RTL5: variants seen among roughly 807,000 people sequenced by gnomAD.
The protein encoded by RTL5 is retrotransposon Gag like 5, also known as retrotransposon Gag-like protein 5.
Under a neutral mutation model 7.7 loss-of-function variants are expected in RTL5, and 8 were observed. That is an observed-to-expected ratio of 1.04 (90% CI 0.61 to 1.88). The LOEUF is 1.88. Among genes scored for constraint, RTL5 ranks in the 40% most tolerant of loss-of-function variants. RTL5 has a pLI of 0.00. For missense variants in RTL5, 457 were observed against 472.7 expected, an observed-to-expected ratio of 0.97 and a Z score of 0.31; for synonymous variants, 188 against 191.8, an observed-to-expected ratio of 0.98 and a Z score of 0.16.
chrX:72,131,363 TG>T lies in RTL5; in HGVS notation c.177del (p.Ile60Ter), dbSNP rs759974118. 5.0e-6 allele frequency: 6 copies of T among 1,207,089 alleles called. No homozygotes were observed. In the African/African-American group the frequency reaches 1.1e-4, roughly 21 times the overall value. On this transcript the variant is annotated frameshift_variant, in exon 1 of 1. Coordinates refer to ENST00000609883, the Ensembl canonical transcript of RTL5. LOFTEE classifies it low-confidence loss of function (END_TRUNC). The stretch of plus-strand genomic sequence containing the variant: ...TTCTCCTCCGCAAGGACGGGCACTA[TG>T]GGTACTGGCCAGCGGATGTAGCTGG...
At chrX:72,129,738 C>G (rs144289234) in exon 1 of RTL5, 1 of 882,682 alleles carries the variant, frequency 1.1e-6, no homozygotes, top group Non-Finnish European at 1.6e-6. Flanking sequence ...TCCCTGAAGT[C>G]CTGGTCAGCA....
At chrX:72,129,962 T>G in exon 1 of RTL5, 1 of 1,210,867 alleles carries the variant, frequency 8.3e-7, no homozygotes, top group African/African-American at 1.7e-5. Context: ...TGGGGGGAGC[T>G]GTAGAATGGT....
chrX:72,131,178 A>T, exon 1 of RTL5: 3 of 1,116,462 alleles, frequency 2.7e-6, no homozygotes, highest in South Asian at 4.0e-5. Context: ...TGGGCAGCAG[A>T]GGGGGGTCAG....
exon 1 of RTL5, chrX:72,131,591 G>A (rs1602394970): frequency 9.0e-7 from 1 of 1,114,171 alleles, no homozygotes; most frequent in Non-Finnish European, 1.2e-6. Context: ...AGGGGAACTG[G>A]AACTACGGGC....
chrX:72,129,544 A>T, exon 1 of RTL5: 1 of 323,199 alleles, frequency 3.1e-6, no homozygotes, highest in South Asian at 8.6e-5. Context: ...CATTTATGGG[A>T]ACAGGCCCAG....
exon 1 of RTL5, chrX:72,131,598 G>C: frequency 2.7e-6 from 3 of 1,100,227 alleles, no homozygotes; most frequent in Non-Finnish European, 3.6e-6. Context: ...CTGGAACTAC[G>C]GGCGGCCGGA....
chrX:72,131,180 G>A (rs769441508), exon 1 of RTL5: 4 of 1,186,402 alleles, frequency 3.4e-6, no homozygotes, highest in East Asian at 3.0e-5. Flanking sequence ...GGCAGCAGAG[G>A]GGGGTCAGCG....
chrX:72,131,377 C>G, exon 1 of RTL5: 1 of 1,210,221 alleles, frequency 8.3e-7, no homozygotes, highest in Non-Finnish European at 1.1e-6. Flanking sequence ...TACTGGCCAG[C>G]GGATGTAGCT....
chrX:72,131,352 G>A (rs1355409936), exon 1 of RTL5: 1 of 1,205,220 alleles, frequency 8.3e-7, no homozygotes, highest in African/African-American at 1.8e-5. Flanking sequence ...CCTCCGCAAG[G>A]ACGGGCACTA....
exon 1 of RTL5, chrX:72,131,095 T>G: frequency 2.5e-6 from 3 of 1,208,088 alleles, no homozygotes; most frequent in Non-Finnish European, 2.2e-6. Flanking sequence ...CTCAGGCCGC[T>G]CCAGCGGTGC....
exon 1 of RTL5, chrX:72,131,693 GC>G (rs2042302950): frequency 2.1e-6 from 1 of 484,430 alleles, no homozygotes; most frequent in African/African-American, 2.6e-5. Context: ...ACCCACCGGG[GC>G]GAGCTCGGAG....
downstream of RTL5, chrX:72,127,460 C>T (rs1255057561): frequency 8.9e-6 from 1 of 111,877 alleles, no homozygotes; most frequent in Non-Finnish European, 1.9e-5. Context: ...TCTGCTCTAT[C>T]CCTGGCTGTA....
exon 1 of RTL5, chrX:72,131,077 G>A: frequency 8.3e-7 from 1 of 1,210,202 alleles, no homozygotes; most frequent in Non-Finnish European, 1.1e-6. Flanking sequence ...TCCTGAAAAG[G>A]GCTCTATCTC....
At chrX:72,129,880 G>C in exon 1 of RTL5, 1 of 1,208,057 alleles carries the variant, frequency 8.3e-7, no homozygotes, top group Non-Finnish European at 1.1e-6. Flanking sequence ...CTGTCTCGGA[G>C]TGAGGCGGAA....
exon 1 of RTL5, chrX:72,129,752 G>A (rs2042264753): frequency 2.1e-6 from 2 of 966,025 alleles, no homozygotes; most frequent in African/African-American, 3.9e-5. Context: ...GTCAGCAAAT[G>A]GGGCAGGTAT....
At position 72,130,143 on chromosome X, in the gene RTL5, C is replaced by T. The variant is rs60726595; in HGVS notation, c.1398G>A (p.Glu466=). 2,787 of 1,208,358 alleles carry T rather than the reference C, an allele frequency of 2.3e-3. 51 individuals are homozygous for T. In the African/African-American group the frequency reaches 0.044, roughly 19 times the overall value. ...CAAAGGTCGGCTCCATCTCCATCAG[C>T]TCATCTAGGTCATCATCTTGGGCCT... The change falls in exon 1 of 1, where the codon GAG becomes GAA. Residue 466 remains glutamate (E), a synonymous_variant. Coordinates refer to ENST00000609883, the Ensembl canonical transcript of RTL5.
exon 1 of RTL5, chrX:72,129,897 A>G (rs2042267121): frequency 1.7e-6 from 2 of 1,208,201 alleles, no homozygotes; most frequent in Admixed American, 2.2e-5. Context: ...GGAAAAGCAC[A>G]GGGGGGCGTC....
chrX:72,129,529 C>T (rs1490279805), exon 1 of RTL5: 4 of 293,004 alleles, frequency 1.4e-5, no homozygotes, highest in African/African-American at 2.7e-5. Context: ...AGAGGGTGAC[C>T]AGTTCATTTA....
chrX:72,130,906 G>A (rs940588012), exon 1 of RTL5: 1 of 1,210,141 alleles, frequency 8.3e-7, no homozygotes, highest in Non-Finnish European at 1.1e-6. Flanking sequence ...GGCATGCAAG[G>A]GGCTTCCTTC....
Sources: gnomAD v4.1 joint callset for allele counts on GRCh38, gnomAD v4.1.1 for gene constraint, MANE v1.5 for transcripts, NCBI Gene and HGNC (gene_info 2026-07-23, HGNC 2026-07-21) for gene names.